VTA1: variants seen among roughly 807,000 people sequenced by gnomAD.
VTA1 encodes vesicle trafficking 1, also known as vacuolar protein sorting-associated protein VTA1 homolog.
A neutral mutation model predicts 36.9 loss-of-function variants in VTA1; 24 were observed. That is an observed-to-expected ratio of 0.65 (90% CI 0.47 to 0.91). The LOEUF is 0.91. Ranked by LOEUF, VTA1 falls within the 40% of genes least tolerant of loss-of-function variation. VTA1 has a pLI of 0.00. For missense variants in VTA1, 393 were observed against 377.2 expected, an observed-to-expected ratio of 1.04 and a Z score of -0.35; for synonymous variants, 142 against 130.2, an observed-to-expected ratio of 1.09 and a Z score of -0.62.
At chr6:142,208,398 G>T (rs1775837510) in intron 7 of VTA1, among the ~76,000 whole-genome samples, 3 of 151,846 alleles carry the variant, frequency 2.0e-5, no homozygotes, top group South Asian at 4.2e-4. Context: ...TCAGAAGAAG[G>T]AAAAAAAGAG....
intron 5 of VTA1, among the ~76,000 whole-genome samples, chr6:142,190,844 T>TA (rs980527930): frequency 3.3e-5 from 5 of 152,192 alleles, no homozygotes; most frequent in African/African-American, 1.2e-4. Context: ...AGATAATATG[T>TA]AAAAAAATGA....
At chr6:142,209,225 T>C (rs1775853146) in intron 7 of VTA1, among the ~76,000 whole-genome samples, 1 of 151,996 alleles carries the variant, frequency 6.6e-6, no homozygotes, top group Non-Finnish European at 1.5e-5. Flanking sequence ...CAAAAATCAG[T>C]AGCATTTATA....
chr6:142,148,835 A>G (rs757832791), intron 1 of VTA1, among the ~76,000 whole-genome samples: 28 of 152,134 alleles, frequency 1.8e-4, no homozygotes, highest in Admixed American at 3.3e-4. Context: ...GGGAAAGAGT[A>G]TTCTCCATAG....
intron 1 of VTA1, among the ~76,000 whole-genome samples, chr6:142,161,830 C>T (rs1422611154): frequency 3.3e-5 from 5 of 151,986 alleles, no homozygotes; most frequent in African/African-American, 1.2e-4. Context: ...ACTGAGTTTT[C>T]TTAAGTGAAT....
At position 142,211,805 on chromosome 6, in the gene VTA1, G is replaced by T. The variant is rs145788241; in HGVS notation, c.779-6693G>T. On this transcript the variant is annotated intron_variant, in intron 7 of 7. Transcript: ENST00000367630. ...ATTAAGGACTGTTAACAAAATATAC[G>T]TAGAACTCCTAAAGAACAATAACGC... 6.4e-4 allele frequency among the ~76,000 whole-genome samples: 97 copies of T among 151,116 alleles called. 1 individual carries two copies. The East Asian group carries it at 0.018, about 27-fold the overall frequency.
At chr6:142,209,814 A>G (rs962525637) in intron 7 of VTA1, among the ~76,000 whole-genome samples, 8 of 152,226 alleles carry the variant, frequency 5.3e-5, no homozygotes, top group African/African-American at 1.7e-4. Flanking sequence ...TAATATTATT[A>G]AAATGACAAT....
chr6:142,190,882 T>A (rs1258353583), intron 5 of VTA1, among the ~76,000 whole-genome samples: 1 of 152,186 alleles, frequency 6.6e-6, no homozygotes, highest in Admixed American at 6.5e-5. Flanking sequence ...TAAAGCTTTA[T>A]TTACAGTTAA....
intron 4 of VTA1, among the ~76,000 whole-genome samples, chr6:142,185,490 T>G (rs1313137787): frequency 6.6e-6 from 1 of 152,208 alleles, no homozygotes; most frequent in Non-Finnish European, 1.5e-5. Context: ...TAATAAACAT[T>G]TTAAAAGAAT....
At chr6:142,194,438 G>A (rs147759632) in intron 5 of VTA1, among the ~76,000 whole-genome samples, 9 of 152,028 alleles carry the variant, frequency 5.9e-5, no homozygotes, top group African/African-American at 1.7e-4. Flanking sequence ...TTCTTTCAGC[G>A]GTATTTTAGA....
rs1034612623 is a variant in VTA1, at chr6:142,198,575, C to T, written c.657C>T (p.His219=). 6.2e-6 allele frequency: 10 copies of T among 1,613,374 alleles called. No homozygotes were observed. The highest frequency in any genetic ancestry group is 4.5e-5 in the East Asian group (2 of 44,820). The change falls in exon 6 of 8, where the codon CAC becomes CAT. Residue 219 remains histidine, a synonymous_variant. Coordinates refer to ENST00000367630, the MANE Select transcript of VTA1 (RefSeq NM_016485.5). ...GAATACAGATTCCTCCGGGTGCACA[C>T]GCTCCAGCTAATACACCAGCAGAAG... is the stretch of plus-strand genomic sequence containing the variant. ...YTGIQIPPGA[H]APANTPAEVP...
At chr6:142,177,261 A>AT (rs1400567039) in intron 4 of VTA1, among the ~76,000 whole-genome samples, 1 of 152,192 alleles carries the variant, frequency 6.6e-6, no homozygotes, top group Non-Finnish European at 1.5e-5. Flanking sequence ...TGAATGAAAT[A>AT]TTTTTTCATA....
intron 1 of VTA1, among the ~76,000 whole-genome samples, chr6:142,159,363 C>G (rs1385582402): frequency 6.6e-6 from 1 of 151,872 alleles, no homozygotes; most frequent in African/African-American, 2.4e-5. Flanking sequence ...GACCCCATCT[C>G]AAAAATTATA....
At chr6:142,157,541 C>G (rs1363730562) in intron 1 of VTA1, among the ~76,000 whole-genome samples, 1 of 152,046 alleles carries the variant, frequency 6.6e-6, no homozygotes, top group South Asian at 2.1e-4. Flanking sequence ...ACTCATTTTA[C>G]ATCTCTTTAG....
intron 4 of VTA1, among the ~76,000 whole-genome samples, chr6:142,175,569 A>G (rs976634319): frequency 4.6e-5 from 7 of 151,988 alleles, no homozygotes; most frequent in African/African-American, 1.5e-4. Context: ...GTATTTTTGA[A>G]TAAATTATAT....
chr6:142,207,599 G>A (rs1735450309), intron 7 of VTA1, among the ~76,000 whole-genome samples: 1 of 151,812 alleles, frequency 6.6e-6, no homozygotes, highest in Non-Finnish European at 1.5e-5. Context: ...GGCTTATGGC[G>A]CCACCTAGAG....
At chr6:142,201,916 G>A (rs1775692847) in intron 6 of VTA1, among the ~76,000 whole-genome samples, 1 of 151,972 alleles carries the variant, frequency 6.6e-6, no homozygotes. Flanking sequence ...ACACTTTCTG[G>A]ATAGTCTTCT....
chr6:142,211,772 C>G (rs1046031748), intron 7 of VTA1, among the ~76,000 whole-genome samples: 1 of 151,260 alleles, frequency 6.6e-6, no homozygotes, highest in Non-Finnish European at 1.5e-5. Context: ...TTGCAAAAGG[C>G]TTATCTGATT....
At chr6:142,180,565 A>G (rs758591352) in intron 4 of VTA1, among the ~76,000 whole-genome samples, 1 of 152,228 alleles carries the variant, frequency 6.6e-6, no homozygotes, top group African/African-American at 2.4e-5. Flanking sequence ...AAAAAGAAGT[A>G]TATTTACATG....
chr6:142,218,123 G>A (rs1230120684), intron 7 of VTA1, among the ~76,000 whole-genome samples: 1 of 151,892 alleles, frequency 6.6e-6, no homozygotes, highest in Non-Finnish European at 1.5e-5. Flanking sequence ...TTTTATTGAA[G>A]GTGATACTTA....
Sources: gnomAD v4.1 joint callset for allele counts (sites outside exome capture counted in the v4.1 genomes callset) on GRCh38, gnomAD v4.1.1 for gene constraint, MANE v1.5 for transcripts, NCBI Gene and HGNC (gene_info 2026-07-23, HGNC 2026-07-21) for gene names.